GOLPH3L: variants seen among roughly 807,000 people sequenced by gnomAD.
GOLPH3L encodes the protein golgi phosphoprotein 3 like.
In GOLPH3L, 22 loss-of-function variants were observed where a neutral mutation model predicts 30.3. The ratio of observed to expected loss-of-function variants is 0.73; its 90% CI spans 0.52 to 1.04. GOLPH3L has a LOEUF of 1.04. Ranked by LOEUF, GOLPH3L falls within the 50% of genes least tolerant of loss-of-function variation. The pLI, the probability that GOLPH3L is intolerant of heterozygous loss-of-function variation, is 0.00. For synonymous variants in GOLPH3L, 120 were observed against 128.2 expected, an observed-to-expected ratio of 0.94 and a Z score of 0.43; for missense variants, 303 against 345.8, an observed-to-expected ratio of 0.88 and a Z score of 0.98.
chr1:150,674,552 C>T (rs900914695), intron 2 of GOLPH3L, among the ~76,000 whole-genome samples: 3 of 151,948 alleles, frequency 2.0e-5, no homozygotes, highest in East Asian at 1.9e-4. Context: ...CGTGAACCAC[C>T]GCACTCGGCC....
At chr1:150,681,067 A>T (rs1650936578) in intron 2 of GOLPH3L, among the ~76,000 whole-genome samples, 1 of 152,102 alleles carries the variant, frequency 6.6e-6, no homozygotes, top group Non-Finnish European at 1.5e-5. Context: ...TTGAACCTGG[A>T]AGGTGAATGT....
chr1:150,682,007 A>G (rs899325510), intron 2 of GOLPH3L, among the ~76,000 whole-genome samples: 1 of 151,976 alleles, frequency 6.6e-6, no homozygotes, highest in Non-Finnish European at 1.5e-5. Context: ...TGGAGCTTTC[A>G]GTGAGCTGCA....
chr1:150,693,486 AG>A (rs915911618), intron 2 of GOLPH3L, among the ~76,000 whole-genome samples: 2 of 151,736 alleles, frequency 1.3e-5, no homozygotes, highest in South Asian at 4.2e-4. Context: ...GCGGTGGGCG[AG>A]GGGGGGCGGT....
intron 1 of GOLPH3L, among the ~76,000 whole-genome samples, chr1:150,695,888 C>T (rs1443113816): frequency 2.0e-5 from 3 of 151,742 alleles, no homozygotes; most frequent in Non-Finnish European, 4.4e-5. Flanking sequence ...GAAAGATTAA[C>T]AAATTTTCTC....
chr1:150,660,431 G>C (rs1185357700), intron 4 of GOLPH3L, among the ~76,000 whole-genome samples: 1 of 152,076 alleles, frequency 6.6e-6, no homozygotes, highest in Non-Finnish European at 1.5e-5. Flanking sequence ...CTATTCCTAG[G>C]TATATATCCA....
chr1:150,648,597 T>C lies in GOLPH3L; in HGVS notation c.582A>G (p.Thr194=). 1 of 1,614,124 alleles carries C rather than the reference T, an allele frequency of 6.2e-7. No individual in the cohort carries two copies. The highest frequency in any genetic ancestry group is 2.2e-5 in the East Asian group (1 of 44,880). The part of the protein sequence containing the change: ...DMTTHPVTNT[T]EKQRLVKKLQ... ...GTTTTTTCACTAGTCGCTGTTTCTC[T>C]GTTGTATTGGTCACTGGATGAGTAG... Residue 194 remains threonine (T), a synonymous_variant, in exon 5 of 5, where the codon ACA becomes ACG. Transcript: ENST00000271732.
chr1:150,653,175 C>CAAAAAAAAAAAAAAA (rs757485843), intron 4 of GOLPH3L, among the ~76,000 whole-genome samples: 12 of 76,068 alleles, frequency 1.6e-4, no homozygotes, highest in South Asian at 4.2e-4. Flanking sequence ...GCCAAAAAAA[C>CAAAAAAAAAAAAAAA]AAAAAAAAAA....
intron 2 of GOLPH3L, among the ~76,000 whole-genome samples, chr1:150,675,824 A>G (rs587692946): frequency 2.7e-5 from 4 of 149,518 alleles, no homozygotes; most frequent in Middle Eastern, 3.4e-3. Flanking sequence ...AGGAGTAGAG[A>G]TAGAAGAAAC....
chr1:150,693,436 C>G (rs1651254862), intron 2 of GOLPH3L, among the ~76,000 whole-genome samples: 2 of 152,096 alleles, frequency 1.3e-5, no homozygotes, highest in Non-Finnish European at 2.9e-5. Context: ...GTTTTCAAAA[C>G]TGAGGCCAGT....
rs868146145 is a variant in GOLPH3L at position 150,652,405 on chromosome 1, A to C, written c.431-3657T>G. Among the ~76,000 whole-genome samples the C allele has an allele frequency of 3.1e-3, 460 of 148,760 alleles. 3 individuals are homozygous for C. Among genetic ancestry groups the C allele is most frequent in the African/African-American group, 0.011 (432 of 40,500 alleles). On this transcript the variant is annotated intron_variant, in intron 4 of 4. Transcript: ENST00000271732. ...CAAAAAAAAAAAAAAAAAAAAAAAAAAAACCCTAAAAAAAACAAAACAAAA... is the reference window on the plus strand; with the variant it reads ...CAAAAAAAAAAAAAAAAAAAAAAAACAAACCCTAAAAAAAACAAAACAAAA...
chr1:150,691,960 G>T (rs1394655457), intron 2 of GOLPH3L, among the ~76,000 whole-genome samples: 1 of 151,278 alleles, frequency 6.6e-6, no homozygotes, highest in African/African-American at 2.4e-5. Context: ...GGACCTTCGG[G>T]TTACTTAACT....
intron 2 of GOLPH3L, among the ~76,000 whole-genome samples, chr1:150,693,006 T>C (rs1651247418): frequency 6.6e-6 from 1 of 152,226 alleles, no homozygotes; most frequent in South Asian, 2.1e-4. Flanking sequence ...AGTCCTATTC[T>C]GACATTCTCT....
chr1:150,668,602 C>T (rs778110445), intron 2 of GOLPH3L, among the ~76,000 whole-genome samples: 16 of 152,190 alleles, frequency 1.1e-4, no homozygotes, highest in South Asian at 4.1e-4. Context: ...AGGCTGGTCT[C>T]GAACTCCTCA....
At position 150,648,999 on chromosome 1, in the gene GOLPH3L, CCT is replaced by C. The variant is rs143871422; in HGVS notation, c.431-253_431-252del. Among the ~76,000 whole-genome samples the C allele has an allele frequency of 8.0e-3, 1,221 of 152,278 alleles. 9 individuals are homozygous for C. Among genetic ancestry groups the C allele is most frequent in the Non-Finnish European group, 0.011 (729 of 68,020 alleles). ...AGACTTTATTTCTGTTCTTATGTGACCTCTGTGACACTGTAATTATTTATGTA... is the reference window on the plus strand; with the variant it reads ...AGACTTTATTTCTGTTCTTATGTGACCTGTGACACTGTAATTATTTATGTA... On this transcript the variant is annotated intron_variant, in intron 4 of 4. Coordinates refer to ENST00000271732, the MANE Select transcript of GOLPH3L (RefSeq NM_018178.6).
intron 4 of GOLPH3L, among the ~76,000 whole-genome samples, chr1:150,658,139 A>AC (rs1258298492): frequency 6.6e-6 from 1 of 152,016 alleles, no homozygotes; most frequent in African/African-American, 2.4e-5. Flanking sequence ...GATCCCGAGG[A>AC]CCCCCCGGTT....
At chr1:150,675,846 C>T (rs1650764105) in intron 2 of GOLPH3L, among the ~76,000 whole-genome samples, 2 of 144,256 alleles carry the variant, frequency 1.4e-5, no homozygotes, top group Admixed American at 7.0e-5. Flanking sequence ...GCGAAGAGTA[C>T]TGATTTCATC....
At chr1:150,695,075 G>T (rs1410502444) in intron 1 of GOLPH3L, among the ~76,000 whole-genome samples, 1 of 152,146 alleles carries the variant, frequency 6.6e-6, no homozygotes, top group Non-Finnish European at 1.5e-5. Flanking sequence ...AAGATCAAAT[G>T]AGTAATTCTA....
intron 2 of GOLPH3L, among the ~76,000 whole-genome samples, chr1:150,683,834 C>CGGATGTACA (rs1487405690): frequency 6.7e-6 from 1 of 150,022 alleles, no homozygotes; most frequent in Non-Finnish European, 1.5e-5. Context: ...GTCCTTCAGG[C>CGGATGTACA]GGATGTACAT....
chr1:150,675,499 G>A (rs934833429), intron 2 of GOLPH3L, among the ~76,000 whole-genome samples: 5 of 151,830 alleles, frequency 3.3e-5, no homozygotes, highest in Admixed American at 1.3e-4. Flanking sequence ...ATTCTGGGGC[G>A]TCCCTTCATA....
Sources: gnomAD v4.1 joint callset for allele counts (sites outside exome capture counted in the v4.1 genomes callset) on GRCh38, gnomAD v4.1.1 for gene constraint, MANE v1.5 for transcripts, NCBI Gene and HGNC (gene_info 2026-07-23, HGNC 2026-07-21) for gene names.